The following CUX1 variants were observed in gnomAD, a reference collection of about 807,000 sequenced individuals.
CUX1 encodes the protein protein CASP.
Under a neutral mutation model 158.8 loss-of-function variants are expected in CUX1, and 31 were observed. The ratio of observed to expected loss-of-function variants is 0.20; its 90% CI spans 0.15 to 0.26. The LOEUF (loss-of-function observed/expected upper bound fraction) is 0.26. Among genes scored for constraint, CUX1 ranks in the 10% least tolerant of loss-of-function variants. The pLI is 1.00. For synonymous variants in CUX1, 879 were observed against 862.1 expected (o/e 1.02, Z -0.34); for missense variants, 1,589 against 2,014.6 (o/e 0.79, Z 4.04).
At chr7:101,940,816 C>T (rs1364723072) in intron 2 of CUX1, among the ~76,000 whole-genome samples, 1 of 152,150 alleles carries the variant, frequency 6.6e-6, no homozygotes, top group Non-Finnish European at 1.5e-5. Flanking sequence ...AGACCCCTGT[C>T]TAGCCCAAGG....
At chr7:102,045,781 C>T (rs766933249) in intron 3 of CUX1, among the ~76,000 whole-genome samples, 4 of 152,224 alleles carry the variant, frequency 2.6e-5, no homozygotes, top group Non-Finnish European at 5.9e-5. Flanking sequence ...AACATCCTCT[C>T]GGTAACTGCT....
intron 1 of CUX1, chr7:101,822,265 A>T (rs1323648908): frequency 1.3e-5 from 2 of 152,108 alleles, no homozygotes; most frequent in African/African-American, 4.8e-5. Context: ...TGGTTTTGGG[A>T]TGTGTTTCAG....
chr7:102,066,544 C>A (rs906721055), intron 3 of CUX1, among the ~76,000 whole-genome samples: 1 of 152,186 alleles, frequency 6.6e-6, no homozygotes, highest in Non-Finnish European at 1.5e-5. Flanking sequence ...CAGATCCCAG[C>A]CCTTGCCTCC....
rs782495933 is a variant in CUX1 at position 102,249,057 on chromosome 7, G to GGGGC, written c.*20_*23dup. 7 of 1,274,136 alleles carry GGGGC rather than the reference G, an allele frequency of 5.5e-6. No homozygotes were observed. In the East Asian group the frequency reaches 1.9e-4, roughly 35 times the overall value. 78.9% of individuals were successfully genotyped at this position (1,274,136 alleles called of 1,614,324 possible). On this transcript the variant is annotated 3_prime_UTR_variant, in exon 24 of 24. Transcript: ENST00000292535. ...GGGAGTTCTGAGGGGCCGCGGCCCTGGGGCGGGCAGCCAGGCTGGGCCGCA... is the reference window on the plus strand; with the variant it reads ...GGGAGTTCTGAGGGGCCGCGGCCCTGGGGCGGGCGGGCAGCCAGGCTGGGCCGCA...
At chr7:102,123,036 G>T (rs990153680) in intron 8 of CUX1, among the ~76,000 whole-genome samples, 1 of 152,090 alleles carries the variant, frequency 6.6e-6, no homozygotes, top group African/African-American at 2.4e-5. Context: ...TTCAAGACCA[G>T]ACCAGCCAAC....
intron 4 of CUX1, among the ~76,000 whole-genome samples, chr7:102,093,821 C>G (rs1260503779): frequency 6.6e-6 from 1 of 152,168 alleles, no homozygotes; most frequent in Non-Finnish European, 1.5e-5. Context: ...GTGGGCGGAG[C>G]TGGCAGGAAA....
At position 101,946,544 on chromosome 7, in the gene CUX1, C is replaced by CAA. The variant is rs386410843; in HGVS notation, c.141+30339_141+30340dup. ...GTGTGACAAGAGCGAGACTCCGTCT[C>CAA]AAAAAAAAAAAAAAAAAAAAAGAGA... On this transcript the variant is annotated intron_variant, in intron 2 of 23. Coordinates refer to ENST00000292535, the MANE Select transcript of CUX1 (RefSeq NM_181552.4). Among the ~76,000 whole-genome samples, 464 of 77,552 alleles carry CAA rather than the reference C, an allele frequency of 6.0e-3. 6 individuals carry two copies. Among genetic ancestry groups the CAA allele is most frequent in the African/African-American group, 0.015 (261 of 17,908 alleles). 50.9% of individuals were successfully genotyped at this position (77,552 alleles called of 152,430 possible). A position where few individuals can be genotyped will look rare whatever the true frequency, so the allele number is the denominator to read the frequency against.
intron 1 of CUX1, among the ~76,000 whole-genome samples, chr7:101,853,054 T>G (rs910063319): frequency 2.8e-4 from 42 of 152,164 alleles, no homozygotes; most frequent in Non-Finnish European, 5.0e-4. Flanking sequence ...ACCATGCATT[T>G]TGGTTGCAAA....
At chr7:101,825,790 TGTGTGTGTGCGC>T (rs59024302) in intron 1 of CUX1, among the ~76,000 whole-genome samples, 1,993 of 103,742 alleles carry the variant, frequency 0.019, 18 homozygotes, top group East Asian at 0.052. Context: ...TGTGTGTGTG[TGTGTGTGTGCGC>T]GCGCGCGCGC....
At chr7:101,937,056 C>G (rs941717647) in intron 2 of CUX1, among the ~76,000 whole-genome samples, 2 of 152,156 alleles carry the variant, frequency 1.3e-5, no homozygotes, top group African/African-American at 4.8e-5. Flanking sequence ...AGTTTGGGCC[C>G]CCTCCCATGG....
chr7:102,053,949 T>C (rs1023823846), intron 3 of CUX1, among the ~76,000 whole-genome samples: 1 of 151,686 alleles, frequency 6.6e-6, no homozygotes, highest in African/African-American at 2.4e-5. Flanking sequence ...GGGATCACAG[T>C]TGTGTGTGCC....
chr7:102,104,841 G>A (rs1230120691), intron 6 of CUX1, among the ~76,000 whole-genome samples: 2 of 152,148 alleles, frequency 1.3e-5, no homozygotes, highest in Admixed American at 6.5e-5. Context: ...GCAGTGAGCC[G>A]AGATCGCGCC....
intron 4 of CUX1, among the ~76,000 whole-genome samples, chr7:102,089,074 T>C (rs1828261973): frequency 6.6e-6 from 1 of 152,208 alleles, no homozygotes; most frequent in Admixed American, 6.5e-5. Context: ...TCTGTGACTA[T>C]ATCTTTAAAT....
At position 102,024,115 on chromosome 7, in the gene CUX1, G is replaced by T. The variant is rs539303005; in HGVS notation, c.142-3983G>T. ...GGCCCTGTGCCAGGTTGGCAGGGTT[G>T]GGGGTAACCCAGGAGCATGCCTGCT... On this transcript the variant is annotated intron_variant, in intron 2 of 23. Transcript: ENST00000292535. Among the ~76,000 whole-genome samples the T allele has an allele frequency of 2.6e-5, 4 of 152,364 alleles. No homozygotes were observed. The East Asian group carries it at 7.7e-4, about 29-fold the overall frequency.
chr7:102,027,950 G>C (rs1425537654), intron 2 of CUX1, 148 bp from the exon 3 acceptor site: 2 of 667,924 alleles, frequency 3.0e-6, no homozygotes, highest in Middle Eastern at 4.1e-4. Context: ...GATGTTTTAG[G>C]AGTGCAGGAA....
chr7:101,835,886 G>A (rs1295845447), intron 1 of CUX1, among the ~76,000 whole-genome samples: 1 of 152,106 alleles, frequency 6.6e-6, no homozygotes, highest in African/African-American at 2.4e-5. Flanking sequence ...CAGCTGCCAT[G>A]CCTGGCTAAT....
rs369543079 is a variant in CUX1 at position 102,137,632 on chromosome 7, G to A, written c.675-20928G>A. Among the ~76,000 whole-genome samples, 57 of 151,542 alleles carry A rather than the reference G, an allele frequency of 3.8e-4. 1 individual carries two copies. Among genetic ancestry groups the A allele is most frequent in the Non-Finnish European group, 1.6e-4 (11 of 67,834 alleles). On this transcript the variant is annotated intron_variant, in intron 8 of 23. Coordinates refer to ENST00000292535, the MANE Select transcript of CUX1 (RefSeq NM_181552.4). Reference sequence around the variant, plus strand: ...GCCTGGGCGAGAAGAGTGAATCTCCGTCAAAAAAGAAAAAGGTAATGGCAA... The same window carrying A: ...GCCTGGGCGAGAAGAGTGAATCTCCATCAAAAAAGAAAAAGGTAATGGCAA...
Position 102,255,206 on chromosome 7 carries a change from C to T in CUX1, c.*6164C>T. 3 of 985,512 alleles carry T rather than the reference C, an allele frequency of 3.0e-6. No individual in the cohort carries two copies. The highest frequency in any genetic ancestry group is 3.6e-6 in the Non-Finnish European group (3 of 829,992). 61.0% of individuals were successfully genotyped at this position (985,512 alleles called of 1,614,324 possible). On this transcript the variant is annotated 3_prime_UTR_variant, in exon 24 of 24. Transcript: ENST00000292535. The stretch of plus-strand genomic sequence containing the variant: ...CTTCCAAAAACTGCCTCCTCCTGCC[C>T]AGGCCTCTCCCACCACCACCTTCCC...
chr7:102,006,855 C>T (rs190860196), intron 2 of CUX1, among the ~76,000 whole-genome samples: 120 of 152,344 alleles, frequency 7.9e-4, no homozygotes, highest in African/African-American at 2.7e-3. Context: ...CCATGCTGGG[C>T]GTGCGAGAGG....
Sources: allele counts gnomAD v4.1 joint callset (sites outside exome capture counted in the v4.1 genomes callset), GRCh38; gene constraint gnomAD v4.1.1; transcripts MANE v1.5; gene names NCBI Gene and HGNC (gene_info 2026-07-23, HGNC 2026-07-21).